NF1: variants seen among roughly 807,000 people sequenced by gnomAD.
The protein encoded by NF1 is neurofibromin.
In NF1, 122 loss-of-function variants were observed where a neutral mutation model predicts 325.7. That is an observed-to-expected ratio of 0.37 (90% CI 0.32 to 0.44). The LOEUF is 0.44. NF1 is among the 20% of genes least tolerant of loss of function. NF1 has a pLI of 1.00. For synonymous variants in NF1, 1,091 were observed against 1,186.0 expected (o/e 0.92, Z 1.65); for missense variants, 2,140 against 3,415.4 (o/e 0.63, Z 9.31).
At chr17:31,370,268 C>G (rs2070609202) in intron 57 of NF1, among the ~76,000 whole-genome samples, 1 of 152,092 alleles carries the variant, frequency 6.6e-6, no homozygotes, top group Admixed American at 6.6e-5. Context: ...ATGGGGCTGA[C>G]AAGTCACTCG....
At chr17:31,112,516 T>G (rs1292968937) in intron 1 of NF1, among the ~76,000 whole-genome samples, 2 of 152,200 alleles carry the variant, frequency 1.3e-5, no homozygotes, top group East Asian at 1.9e-4. Flanking sequence ...GTGGTTTTGA[T>G]TTGCATTTCC....
intron 1 of NF1, among the ~76,000 whole-genome samples, chr17:31,132,391 C>CT (rs1915455876): frequency 6.6e-6 from 1 of 151,946 alleles, no homozygotes; most frequent in Non-Finnish European, 1.5e-5. Context: ...AATACAAAAA[C>CT]TAGCTGGGTG....
chr17:31,100,583 A>T (rs1474432801), intron 1 of NF1, among the ~76,000 whole-genome samples: 1 of 151,746 alleles, frequency 6.6e-6, no homozygotes, highest in Non-Finnish European at 1.5e-5. Context: ...TTATTTATTT[A>T]TTTTGAGATG....
At chr17:31,306,481 C>T (rs1238198242) in intron 36 of NF1, among the ~76,000 whole-genome samples, 1 of 151,934 alleles carries the variant, frequency 6.6e-6, no homozygotes, top group Non-Finnish European at 1.5e-5. Context: ...TCATCTTTAC[C>T]CTCACAACTG....
chr17:31,345,075 A>G (rs1215374073), intron 48 of NF1, among the ~76,000 whole-genome samples: 1 of 152,188 alleles, frequency 6.6e-6, no homozygotes, highest in Non-Finnish European at 1.5e-5. Flanking sequence ...GTGAGCCAAG[A>G]TCCTACCACT....
At chr17:31,338,193 G>A in intron 45 of NF1, 54 bp downstream of exon 45, 1 of 1,264,554 alleles carries the variant, frequency 7.9e-7, no homozygotes, top group Non-Finnish European at 1.2e-6. Flanking sequence ...AAGTTGTAAA[G>A]CATATCTTTC....
chr17:31,101,860 C>CT (rs1009051250), intron 1 of NF1, among the ~76,000 whole-genome samples: 1 of 151,968 alleles, frequency 6.6e-6, no homozygotes, highest in Non-Finnish European at 1.5e-5. Flanking sequence ...GCTTTGTTTT[C>CT]TTTTTTTCTT....
chr17:31,340,203 A>G (rs2069780573), intron 46 of NF1: 2 of 384,394 alleles, frequency 5.2e-6, no homozygotes, highest in South Asian at 5.4e-5. Flanking sequence ...ATAAGAAAGA[A>G]ATGACAAAAG....
At chr17:31,230,005 A>C in intron 22 of NF1, 31 bp downstream of exon 22, 16 of 1,611,226 alleles carry the variant, frequency 9.9e-6, no homozygotes, top group Non-Finnish European at 1.4e-5. Context: ...TAGCAGAAAC[A>C]TTTTAAGAGA....
At chr17:31,281,301 A>G (rs1001916650) in intron 36 of NF1, among the ~76,000 whole-genome samples, 1 of 152,246 alleles carries the variant, frequency 6.6e-6, no homozygotes, top group Non-Finnish European at 1.5e-5. Context: ...TGTTGAAGGT[A>G]TCATCAGGGC....
intron 1 of NF1, among the ~76,000 whole-genome samples, chr17:31,148,523 A>G (rs1567811020): frequency 6.6e-6 from 1 of 151,864 alleles, no homozygotes; most frequent in Admixed American, 6.6e-5. Context: ...GTCATTAGTC[A>G]TTACTATGGG....
intron 5 of NF1, among the ~76,000 whole-genome samples, chr17:31,176,821 T>C (rs985508753): frequency 8.5e-5 from 13 of 152,126 alleles, no homozygotes; most frequent in African/African-American, 2.4e-4. Flanking sequence ...TGGTTGTAGA[T>C]GTGTGGTGTT....
At chr17:31,366,654 T>C (rs1208216689) in intron 57 of NF1, among the ~76,000 whole-genome samples, 1 of 152,172 alleles carries the variant, frequency 6.6e-6, no homozygotes, top group Admixed American at 6.5e-5. Context: ...CTAGGGAGGC[T>C]GAGGTGGGAG....
intron 1 of NF1, among the ~76,000 whole-genome samples, chr17:31,118,624 C>T (rs1305593478): frequency 6.6e-6 from 1 of 152,138 alleles, no homozygotes; most frequent in Admixed American, 6.5e-5. Context: ...ATGAACTCAT[C>T]CTTTTTTATA....
rs1567617739 is a variant in NF1, at chr17:31,337,881, G to GT, written c.6704+2dup. ...ACCAGTGGACAGAACTAGCTCAAAGGTATGTCCTAAATTAAATATAAGTTG... is the reference window on the plus strand; with the variant it reads ...ACCAGTGGACAGAACTAGCTCAAAGGTTATGTCCTAAATTAAATATAAGTTG... On this transcript the variant is annotated splice_donor_variant, in intron 44 of 57. Transcript: ENST00000358273. LOFTEE classifies it high-confidence loss of function. The GT allele has an allele frequency of 6.2e-7, 1 of 1,613,228 alleles. No individual in the cohort carries two copies. Among genetic ancestry groups the GT allele is most frequent in the South Asian group, 1.1e-5 (1 of 91,060 alleles).
At chr17:31,238,753 C>T (rs1192161754) in intron 29 of NF1, among the ~76,000 whole-genome samples, 1 of 149,958 alleles carries the variant, frequency 6.7e-6, no homozygotes, top group Non-Finnish European at 1.5e-5. Flanking sequence ...AAAAAAGAAA[C>T]TCTTTGAAGG....
intron 1 of NF1, among the ~76,000 whole-genome samples, chr17:31,147,512 G>T (rs1318746079): frequency 2.0e-5 from 3 of 152,118 alleles, no homozygotes; most frequent in Non-Finnish European, 2.9e-5. Flanking sequence ...AAACATTGTT[G>T]TGCATGTCTT....
rs878853900 is a variant in NF1, at chr17:31,326,211, G to C, written c.5227G>C (p.Ala1743Pro). The C allele has an allele frequency of 6.2e-7, 1 of 1,612,440 alleles. No individual in the cohort carries two copies. Among genetic ancestry groups the C allele is most frequent in the Admixed American group, 1.7e-5 (1 of 60,018 alleles). ...AGAGGACCTGAAGGTATTCCACAATGCTCTCAAGCTAGCTCACAAAGACAC... is the reference window on the plus strand; with the variant it reads ...AGAGGACCTGAAGGTATTCCACAATCCTCTCAAGCTAGCTCACAAAGACAC... Reference protein sequence around the residue: ...LEEDLKVFHNALKLAHKDTKV... With the variant: ...LEEDLKVFHNPLKLAHKDTKV... Residue 1743 changes from alanine to proline, a missense_variant, in exon 37 of 58, where the codon GCT (alanine) becomes CCT (proline). By Grantham distance (27) the Ala-to-Pro change is conservative. Coordinates refer to ENST00000358273, the MANE Select transcript of NF1 (RefSeq NM_001042492.3).
At chr17:31,109,269 T>C (rs1236967098) in intron 1 of NF1, among the ~76,000 whole-genome samples, 1 of 152,236 alleles carries the variant, frequency 6.6e-6, no homozygotes, top group Non-Finnish European at 1.5e-5. Context: ...TATCTTGGAT[T>C]CATGTACACT....
Sources: gnomAD v4.1 joint callset for allele counts (sites outside exome capture counted in the v4.1 genomes callset) on GRCh38, gnomAD v4.1.1 for gene constraint, MANE v1.5 for transcripts, NCBI Gene and HGNC (gene_info 2026-07-23, HGNC 2026-07-21) for gene names.